Variants in EDIL3 observed in about 807,000 individuals in gnomAD.
EDIL3 encodes EGF-like repeat and discoidin I-like domain-containing protein 3.
A neutral mutation model predicts 67.4 loss-of-function variants in EDIL3; 37 were observed. That is an observed-to-expected ratio of 0.55 (90% CI 0.42 to 0.72). The LOEUF is 0.72. EDIL3 is among the 30% of genes least tolerant of loss of function. The pLI is 0.00. For synonymous variants in EDIL3, 195 were observed against 196.3 expected (o/e 0.99, Z 0.05); for missense variants, 527 against 586.3 (o/e 0.90, Z 1.04).
intron 4 of EDIL3, among the ~76,000 whole-genome samples, chr5:84,171,993 A>G (rs780807325): frequency 6.6e-6 from 1 of 152,142 alleles, no homozygotes; most frequent in Non-Finnish European, 1.5e-5. Flanking sequence ...CTCCAAAACT[A>G]TTAACTTCAA....
rs1744026111 is a variant in EDIL3 at position 84,208,131 on chromosome 5, T to A, written c.226+21724A>T. On this transcript the variant is annotated intron_variant, in intron 3 of 10. Transcript: ENST00000296591. ...AGGCAACCTACAAAATGGGAGAAAA[T>A]TTTCGCAACCTACTCATCTGACAGA... is the stretch of plus-strand genomic sequence containing the variant. Among the ~76,000 whole-genome samples the A allele has an allele frequency of 2.6e-5, 4 of 151,738 alleles. No homozygotes were observed. In the South Asian group the frequency reaches 8.4e-4, roughly 32 times the overall value.
At chr5:84,379,379 C>T (rs1001116624) in intron 1 of EDIL3, among the ~76,000 whole-genome samples, 1 of 152,064 alleles carries the variant, frequency 6.6e-6, no homozygotes, top group Non-Finnish European at 1.5e-5. Flanking sequence ...CTCTTTTGGC[C>T]ACATGACTTG....
At chr5:84,027,268 G>C (rs1371235359) in intron 9 of EDIL3, among the ~76,000 whole-genome samples, 1 of 152,146 alleles carries the variant, frequency 6.6e-6, no homozygotes, top group Non-Finnish European at 1.5e-5. Context: ...TACTACTGAA[G>C]TATAAGCCCC....
rs535634988 is a variant in EDIL3, at chr5:84,240,407, G to A, written c.197-10523C>T. The stretch of plus-strand genomic sequence containing the variant: ...ATTGAAGACTATATTTTGGTTCAAG[G>A]AGATGAATAGAGGCTCTATATCCAG... On this transcript the variant is annotated intron_variant, in intron 2 of 10. Coordinates refer to ENST00000296591, the MANE Select transcript of EDIL3 (RefSeq NM_005711.5). Among the ~76,000 whole-genome samples, 26 of 152,252 alleles carry A rather than the reference G, an allele frequency of 1.7e-4. No individual in the cohort carries two copies. In the South Asian group the frequency reaches 5.4e-3, roughly 32 times the overall value.
At chr5:84,254,038 TG>T (rs768736748) in intron 2 of EDIL3, 45 bp downstream of exon 2, 23 of 1,535,314 alleles carry the variant, frequency 1.5e-5, no homozygotes, top group Non-Finnish European at 1.9e-5. Flanking sequence ...CATTTATTCA[TG>T]GAAATAAAAA....
chr5:84,144,747 T>C (rs1377947177), intron 4 of EDIL3, among the ~76,000 whole-genome samples: 2 of 152,026 alleles, frequency 1.3e-5, no homozygotes, highest in South Asian at 2.1e-4. Context: ...TTCCTATTTT[T>C]ATTATTATTT....
At chr5:84,249,695 T>C (rs1242674359) in intron 2 of EDIL3, among the ~76,000 whole-genome samples, 1 of 152,188 alleles carries the variant, frequency 6.6e-6, no homozygotes, top group Non-Finnish European at 1.5e-5. Context: ...AAGTTTATAC[T>C]TTTTACTAGT....
At chr5:83,952,746 C>T (rs576588996) in intron 10 of EDIL3, among the ~76,000 whole-genome samples, 1 of 151,830 alleles carries the variant, frequency 6.6e-6, no homozygotes, top group African/African-American at 2.4e-5. Flanking sequence ...ACCCCTGACT[C>T]TACCCTTCAT....
intron 1 of EDIL3, among the ~76,000 whole-genome samples, chr5:84,271,283 G>A (rs1295465458): frequency 6.6e-6 from 1 of 151,938 alleles, no homozygotes; most frequent in Non-Finnish European, 1.5e-5. Flanking sequence ...GCTTGGTGGT[G>A]GGCGCCTGTA....
intron 4 of EDIL3, among the ~76,000 whole-genome samples, chr5:84,141,179 T>C (rs772581064): frequency 3.3e-5 from 5 of 151,914 alleles, no homozygotes; most frequent in Admixed American, 2.0e-4. Context: ...AAAAAACTGA[T>C]AAAGTAGCCC....
At chr5:84,292,175 CT>C (rs1359357000) in intron 1 of EDIL3, among the ~76,000 whole-genome samples, 1 of 152,006 alleles carries the variant, frequency 6.6e-6, no homozygotes, top group African/African-American at 2.4e-5. Context: ...GTCTGTGGTA[CT>C]TTGTCACTGC....
intron 2 of EDIL3, among the ~76,000 whole-genome samples, chr5:84,242,847 A>C (rs2112061197): frequency 6.9e-6 from 1 of 145,408 alleles, no homozygotes; most frequent in African/African-American, 2.5e-5. Context: ...TATTTCTTCG[A>C]GTTTGAAAGT....
intron 6 of EDIL3, among the ~76,000 whole-genome samples, chr5:84,094,448 G>A (rs1163670496): frequency 2.0e-5 from 3 of 151,862 alleles, no homozygotes; most frequent in Non-Finnish European, 4.4e-5. Flanking sequence ...CTTGAATAAG[G>A]CAGTATTAAA....
intron 10 of EDIL3, among the ~76,000 whole-genome samples, chr5:83,959,473 A>G (rs964657312): frequency 6.6e-6 from 1 of 151,112 alleles, no homozygotes; most frequent in African/African-American, 2.4e-5. Flanking sequence ...ACAGCACAAA[A>G]GAAGACTTAG....
intron 1 of EDIL3, among the ~76,000 whole-genome samples, chr5:84,313,331 T>C (rs1746443058): frequency 6.6e-6 from 1 of 152,216 alleles, no homozygotes; most frequent in Non-Finnish European, 1.5e-5. Context: ...TAAATGTTTC[T>C]TTAAGTTTAT....
At chr5:84,227,169 A>G (rs1744467402) in intron 3 of EDIL3, among the ~76,000 whole-genome samples, 1 of 152,018 alleles carries the variant, frequency 6.6e-6, no homozygotes. Context: ...AAAGTTAAGA[A>G]ATATGGACAG....
intron 6 of EDIL3, among the ~76,000 whole-genome samples, chr5:84,105,127 T>C (rs997764122): frequency 2.0e-5 from 3 of 152,072 alleles, no homozygotes; most frequent in Middle Eastern, 3.2e-3. Flanking sequence ...GTAAATATGA[T>C]ATAATTATTT....
chr5:84,066,680 A>C, intron 6 of EDIL3, 74 bp from the exon 7 acceptor site: 1 of 1,532,324 alleles, frequency 6.5e-7, no homozygotes. Flanking sequence ...GAATTTTAGA[A>C]ATGAAACATT....
chr5:84,184,015 A>G (rs1338911274), intron 3 of EDIL3, among the ~76,000 whole-genome samples: 1 of 152,192 alleles, frequency 6.6e-6, no homozygotes. Flanking sequence ...CTGAGGCAGG[A>G]GAATTGCTTT....
Sources: allele counts gnomAD v4.1 joint callset (sites outside exome capture counted in the v4.1 genomes callset), GRCh38; gene constraint gnomAD v4.1.1; transcripts MANE v1.5; gene names NCBI Gene and HGNC (gene_info 2026-07-23, HGNC 2026-07-21).